The following MBNL1 variants were observed in gnomAD, a reference collection of about 807,000 sequenced individuals.
The protein encoded by MBNL1 is muscleblind-like protein 1.
MBNL1 carries 8 observed loss-of-function variants against 42.2 expected under a neutral mutation model. That is an observed-to-expected ratio of 0.19 (90% CI 0.11 to 0.34). The LOEUF is 0.34. Ranked by LOEUF, MBNL1 falls within the 10% of genes least tolerant of loss-of-function variation. The probability of loss-of-function intolerance (pLI) is 1.00; values close to 1 mark genes in which losing one functional copy is unlikely to be tolerated. For missense variants in MBNL1, 309 were observed against 495.3 expected (o/e 0.62, Z 3.57); for synonymous variants, 169 against 173.9 (o/e 0.97, Z 0.22).
chr3:152,280,506 T>C lies in MBNL1; in HGVS notation c.-790+11414T>C, dbSNP rs190773937. On this transcript the variant is annotated intron_variant, in intron 1 of 9. Transcript: ENST00000324210. ...TAATTTATTTCTGATGCTGGCAGTT[T>C]TGGAGAAAGGTGGGCACATACGGTT... Among the ~76,000 whole-genome samples, 14 of 152,222 alleles carry C rather than the reference T, an allele frequency of 9.2e-5. No individual in the cohort carries two copies. The East Asian group carries it at 2.7e-3, about 29-fold the overall frequency.
At chr3:152,269,442 T>G in intron 1 of MBNL1, 1 of 442,420 alleles carries the variant, frequency 2.3e-6, no homozygotes, top group Non-Finnish European at 4.5e-6. Flanking sequence ...TAATGACCTT[T>G]GTCGGGGGAA....
chr3:152,277,527 A>C (rs1396045996), intron 1 of MBNL1, among the ~76,000 whole-genome samples: 1 of 152,160 alleles, frequency 6.6e-6, no homozygotes, highest in East Asian at 1.9e-4. Context: ...GGAACTAAAA[A>C]TCCTTAATAA....
intron 2 of MBNL1, among the ~76,000 whole-genome samples, chr3:152,409,777 A>C (rs2098522826): frequency 6.6e-6 from 1 of 152,168 alleles, no homozygotes; most frequent in Non-Finnish European, 1.5e-5. Context: ...ATCCTGCCAC[A>C]TAGTTACCAT....
intron 2 of MBNL1, among the ~76,000 whole-genome samples, chr3:152,250,268 A>G (rs1485682845): frequency 6.6e-6 from 1 of 151,638 alleles, no homozygotes; most frequent in Non-Finnish European, 1.5e-5. Flanking sequence ...ATGTTCTTCC[A>G]TTTGTTTGTA....
At chr3:152,339,963 G>T (rs986550744) in intron 2 of MBNL1, 5 of 152,186 alleles carry the variant, frequency 3.3e-5, no homozygotes, top group African/African-American at 7.2e-5. Context: ...AGATTCCCCA[G>T]TGTTGACATC....
chr3:152,458,439 AT>A (rs1003328573), intron 8 of MBNL1: 1 of 486,194 alleles, frequency 2.1e-6, no homozygotes, highest in African/African-American at 2.0e-5. Context: ...GATTAGTATC[AT>A]TTTATAGAAG....
chr3:152,382,100 A>G (rs1425250462), intron 2 of MBNL1, among the ~76,000 whole-genome samples: 1 of 152,042 alleles, frequency 6.6e-6, no homozygotes, highest in Admixed American at 6.6e-5. Context: ...TAGTAAGCAG[A>G]GGTGGTAATA....
intron 1 of MBNL1, among the ~76,000 whole-genome samples, chr3:152,290,768 A>G (rs921041094): frequency 6.6e-6 from 1 of 152,148 alleles, no homozygotes; most frequent in African/African-American, 2.4e-5. Context: ...ATACTCATTT[A>G]AGTAAGCTTT....
chr3:152,292,159 T>C (rs2056359478), intron 1 of MBNL1, among the ~76,000 whole-genome samples: 2 of 152,220 alleles, frequency 1.3e-5, no homozygotes, highest in Non-Finnish European at 1.5e-5. Context: ...AGAGCTAGTA[T>C]GCAAAGTGCA....
At chr3:152,377,652 A>G (rs2096969128) in intron 2 of MBNL1, among the ~76,000 whole-genome samples, 1 of 152,208 alleles carries the variant, frequency 6.6e-6, no homozygotes, top group South Asian at 2.1e-4. Flanking sequence ...ACATTAACAT[A>G]TTTGGAGGCC....
intron 2 of MBNL1, among the ~76,000 whole-genome samples, chr3:152,380,124 A>G (rs2097118522): frequency 6.6e-6 from 1 of 152,070 alleles, no homozygotes; most frequent in African/African-American, 2.4e-5. Flanking sequence ...TTCCTTCCCT[A>G]TTCGTCACTT....
chr3:152,422,525 A>G (rs1193372805), intron 3 of MBNL1, among the ~76,000 whole-genome samples: 2 of 152,188 alleles, frequency 1.3e-5, no homozygotes, highest in Non-Finnish European at 2.9e-5. Context: ...CCCACTGTCA[A>G]TATTAGACAG....
chr3:152,360,321 G>T (rs1437464257), intron 2 of MBNL1, among the ~76,000 whole-genome samples: 1 of 152,092 alleles, frequency 6.6e-6, no homozygotes, highest in Non-Finnish European at 1.5e-5. Context: ...AACCTTCGTG[G>T]TTAAGATTAA....
At chr3:152,358,004 TGTGTGC>T (rs1220868533) in intron 2 of MBNL1, among the ~76,000 whole-genome samples, 1 of 152,078 alleles carries the variant, frequency 6.6e-6, no homozygotes, top group Non-Finnish European at 1.5e-5. Context: ...TGTGTGTGTG[TGTGTGC>T]GCACGCACGT....
chr3:152,333,935 G>C (rs77956190), intron 2 of MBNL1, among the ~76,000 whole-genome samples: 10,935 of 152,272 alleles, frequency 0.072, 509 homozygotes, highest in Middle Eastern at 0.16. Flanking sequence ...CCTTGAAGAA[G>C]TTATGTAACC....
intron 4 of MBNL1, among the ~76,000 whole-genome samples, chr3:152,433,567 G>A (rs1211509447): frequency 6.6e-6 from 1 of 151,812 alleles, no homozygotes; most frequent in Non-Finnish European, 1.5e-5. Context: ...TGGCTAACAC[G>A]GTGAAACCCC....
At chr3:152,280,793 C>T (rs1346619634) in intron 1 of MBNL1, among the ~76,000 whole-genome samples, 1 of 152,092 alleles carries the variant, frequency 6.6e-6, no homozygotes, top group Non-Finnish European at 1.5e-5. Context: ...TTCTATAAGA[C>T]CCCATTCAGC....
chr3:152,308,499 G>A (rs950197833), intron 2 of MBNL1, among the ~76,000 whole-genome samples: 4 of 152,124 alleles, frequency 2.6e-5, no homozygotes, highest in African/African-American at 9.7e-5. Flanking sequence ...GAATCAGCAG[G>A]ATCTAAAGAC....
chr3:152,431,724 A>G (rs1244263796), intron 3 of MBNL1, among the ~76,000 whole-genome samples: 1 of 152,252 alleles, frequency 6.6e-6, no homozygotes, highest in Non-Finnish European at 1.5e-5. Context: ...TAAACGAAGC[A>G]TTAAACTTCA....
Sources: gnomAD v4.1 joint callset for allele counts (sites outside exome capture counted in the v4.1 genomes callset) on GRCh38, gnomAD v4.1.1 for gene constraint, MANE v1.5 for transcripts, NCBI Gene and HGNC (gene_info 2026-07-23, HGNC 2026-07-21) for gene names.